Variants in CFAP99 observed in about 807,000 individuals in gnomAD.
CFAP99 encodes cilia and flagella associated protein 99.
A neutral mutation model predicts 82.7 loss-of-function variants in CFAP99; 84 were observed. The observed-to-expected ratio is 1.02, with a 90% CI of 0.85 to 1.22. The LOEUF (loss-of-function observed/expected upper bound fraction) is 1.22. Ranked by LOEUF, CFAP99 falls within the 50% of genes most tolerant of loss-of-function variation. The pLI is 0.00. For missense variants in CFAP99, 1,059 were observed against 983.5 expected (o/e 1.08, Z -1.03); for synonymous variants, 456 against 429.5 (o/e 1.06, Z -0.76).
chr4:2,456,571 G>A (rs1734442664), intron 11 of CFAP99, among the ~76,000 whole-genome samples: 1 of 152,204 alleles, frequency 6.6e-6, no homozygotes, highest in African/African-American at 2.4e-5. Context: ...CTAGGCTGGA[G>A]TGCAATGGTG....
intron 2 of CFAP99, chr4:2,428,715 C>G (rs1387460136): frequency 6.5e-6 from 1 of 152,716 alleles, no homozygotes; most frequent in Non-Finnish European, 1.5e-5. Flanking sequence ...TTCTCAGGCT[C>G]GGGCCTCCCC....
chr4:2,441,067 TAA>T (rs1009571017), intron 4 of CFAP99, among the ~76,000 whole-genome samples: 6 of 146,970 alleles, frequency 4.1e-5, no homozygotes, highest in African/African-American at 1.5e-4. Context: ...TAAATGATAA[TAA>T]TAATAATAAT....
At chr4:2,459,444 C>T (rs1229243673) in intron 13 of CFAP99, among the ~76,000 whole-genome samples, 186 bp downstream of exon 13, 1 of 152,212 alleles carries the variant, frequency 6.6e-6, no homozygotes, top group Non-Finnish European at 1.5e-5. Flanking sequence ...TAAGAGTTCA[C>T]AAGCCTGCGG....
At chr4:2,426,700 G>C in intron 2 of CFAP99, 114 bp downstream of exon 2, 3 of 700,064 alleles carry the variant, frequency 4.3e-6, no homozygotes, top group Non-Finnish European at 7.5e-6. Flanking sequence ...CACATGGGGA[G>C]AAGCTGACCG....
intron 11 of CFAP99, 110 bp from the exon 12 acceptor site, chr4:2,458,613 C>A: frequency 7.4e-7 from 1 of 1,356,986 alleles, no homozygotes; most frequent in Non-Finnish European, 9.7e-7. Context: ...GATTCAAGGG[C>A]AGGGACTGGG....
chr4:2,458,076 C>T (rs1049930094), intron 11 of CFAP99, among the ~76,000 whole-genome samples: 1 of 152,230 alleles, frequency 6.6e-6, no homozygotes, highest in Non-Finnish European at 1.5e-5. Context: ...CCGCCCTCTT[C>T]TGCACTCCCG....
rs1297601799 is a variant in CFAP99, at chr4:2,438,134, C to A, written c.321C>A (p.Ile107=). 3 of 1,535,610 alleles carry A rather than the reference C, an allele frequency of 2.0e-6. No homozygotes were observed. The Admixed American group carries it at 5.9e-5, about 30-fold the overall frequency. The stretch of plus-strand genomic sequence containing the variant: ...GCTTCCAGCTATTCTGTAACATCAT[C>A]AAGTCCCAGCCCGTGGATAAGATGT... Residue 107 remains isoleucine (I), a synonymous_variant, in exon 4 of 15, where the codon ATC becomes ATA. Transcript: ENST00000635017.
chr4:2,436,773 C>G (rs575886078), intron 2 of CFAP99, 101 bp from the exon 3 acceptor site: 17 of 972,934 alleles, frequency 1.7e-5, no homozygotes, highest in African/African-American at 1.3e-4. Flanking sequence ...TTTGCAGCCC[C>G]GGGGCCGCTC....
Position 2,458,721 on chromosome 4 carries a change from A to T in CFAP99, c.1162-2A>T. The T allele has an allele frequency of 1.3e-6, 2 of 1,532,620 alleles. No individual in the cohort carries two copies. Among genetic ancestry groups the T allele is most frequent in the East Asian group, 2.4e-5 (1 of 40,882 alleles). The allele number at this position is 1,532,620 out of a possible 1,614,324, so 94.9% of individuals were successfully genotyped here. ...ACCGTGGCAGGTCCGCTGTCTGGGC[A>T]GATGGCCAAGCTGATGCTGCAGCGT... On this transcript the variant is annotated splice_acceptor_variant, in intron 11 of 14. Coordinates refer to ENST00000635017, the Ensembl canonical transcript of CFAP99. LOFTEE classifies it high-confidence loss of function.
exon 2 of CFAP99, chr4:2,426,573 C>T: frequency 1.3e-6 from 2 of 1,535,172 alleles, no homozygotes; most frequent in South Asian, 1.2e-5. Flanking sequence ...GAGGCTGCGG[C>T]CACCTCCCTG....
chr4:2,436,081 C>CA (rs60559586), intron 2 of CFAP99, among the ~76,000 whole-genome samples: 304 of 125,434 alleles, frequency 2.4e-3, no homozygotes, highest in African/African-American at 6.6e-3. Context: ...TCAAAAACTT[C>CA]AAAAAAAAAA....
chr4:2,444,235 C>T lies in CFAP99; in HGVS notation c.465-896C>T, dbSNP rs1352901388. Among the ~76,000 whole-genome samples, 3 of 152,192 alleles carry T rather than the reference C, an allele frequency of 2.0e-5. No individual in the cohort carries two copies. In the East Asian group the frequency reaches 5.8e-4, roughly 29 times the overall value. Reference sequence around the variant, plus strand: ...GCTAGACTCACTGCCCACTCAGGGGCCCCCATGGCCTGGGCCTGCAGGGTT... The same window carrying T: ...GCTAGACTCACTGCCCACTCAGGGGTCCCCATGGCCTGGGCCTGCAGGGTT... On this transcript the variant is annotated intron_variant, in intron 5 of 14. Transcript: ENST00000635017.
intron 10 of CFAP99, 121 bp downstream of exon 10, chr4:2,451,473 C>T (rs1236842348): frequency 2.3e-6 from 2 of 857,820 alleles, no homozygotes; most frequent in Non-Finnish European, 3.6e-6. Flanking sequence ...TCACAACAGG[C>T]TGTGGTCCTG....
chr4:2,447,830 GTGGA>G (rs991718428), intron 6 of CFAP99, among the ~76,000 whole-genome samples: 31 of 115,206 alleles, frequency 2.7e-4, no homozygotes, highest in East Asian at 1.3e-3. Flanking sequence ...GGGTGGGTGG[GTGGA>G]TGGATGGATG....
rs1404575260 is a variant in CFAP99 at position 2,462,718 on chromosome 4, G to C, written c.1937G>C (p.Arg646Pro). The change falls in exon 15 of 15, where the codon CGG (arginine) becomes CCG (proline). Residue 646 changes from arginine to proline, a missense_variant. Arg to Pro is a moderately radical substitution (Grantham distance 103). Transcript: ENST00000635017. This position sits in a 1 kb window ranked among gnomAD's most constrained non-coding sequence, Gnocchi z 4.1. ...CCGGGGCGGGGATGGCGGGGAGATC[G>C]GGTCCGGTCCGCGGCCGGGAGATAC... The C allele has an allele frequency of 1.6e-6, 2 of 1,241,404 alleles. No individual in the cohort carries two copies. Among genetic ancestry groups the C allele is most frequent in the East Asian group, 6.7e-5 (2 of 29,860 alleles). 76.9% of individuals were successfully genotyped at this position (1,241,404 alleles called of 1,614,324 possible).
intron 8 of CFAP99, chr4:2,450,408 G>A (rs1333220482): frequency 1.3e-4 from 38 of 297,184 alleles, no homozygotes; most frequent in Admixed American, 5.4e-4. Context: ...GCACGGCCCC[G>A]CTGGGTGGCA....
rs759699042 is a variant in CFAP99 at position 2,423,691 on chromosome 4, C to G, written c.-17-2768C>G. On this transcript the variant is annotated intron_variant, in intron 1 of 14. Transcript: ENST00000635017. ...GGTCTGGGCAGCCTCACCCACAAACCTCTCTCATCTTGCCCAGGCAAGCCT... is the reference window on the plus strand; with the variant it reads ...GGTCTGGGCAGCCTCACCCACAAACGTCTCTCATCTTGCCCAGGCAAGCCT... Among the ~76,000 whole-genome samples the G allele has an allele frequency of 4.3e-4, 66 of 152,366 alleles. No individual in the cohort carries two copies. In the Middle Eastern group the frequency reaches 0.01, roughly 24 times the overall value.
chr4:2,443,484 T>C (rs1358578504), intron 5 of CFAP99, among the ~76,000 whole-genome samples: 1 of 152,166 alleles, frequency 6.6e-6, no homozygotes, highest in Non-Finnish European at 1.5e-5. Flanking sequence ...GCTCCCTCCA[T>C]GCCAGTCAGC....
At chr4:2,442,308 G>T (rs1165323742) in intron 4 of CFAP99, among the ~76,000 whole-genome samples, 1 of 152,154 alleles carries the variant, frequency 6.6e-6, no homozygotes, top group Non-Finnish European at 1.5e-5. Flanking sequence ...GCCCCCTTGA[G>T]GGAGGAAGCA....
Sources: allele counts gnomAD v4.1 joint callset (sites outside exome capture counted in the v4.1 genomes callset), GRCh38; gene constraint gnomAD v4.1.1; non-coding constraint Gnocchi (gnomAD v3.1); transcripts MANE v1.5; gene names NCBI Gene and HGNC (gene_info 2026-07-23, HGNC 2026-07-21).